The following FAM234A variants were observed in gnomAD, a reference collection of about 807,000 sequenced individuals.
FAM234A encodes the protein protein FAM234A.
FAM234A carries 42 observed loss-of-function variants against 49.1 expected under a neutral mutation model. The observed-to-expected ratio is 0.86, with a 90% CI of 0.67 to 1.11. FAM234A has a LOEUF of 1.11. Among genes scored for constraint, FAM234A ranks in the 50% least tolerant of loss-of-function variants. FAM234A has a pLI of 0.00. For missense variants in FAM234A, 815 were observed against 745.2 expected, an observed-to-expected ratio of 1.09 and a Z score of -1.09; for synonymous variants, 369 against 316.2, an observed-to-expected ratio of 1.17 and a Z score of -1.77.
intron 2 of FAM234A, among the ~76,000 whole-genome samples, chr16:250,912 A>G (rs781288874): frequency 6.6e-6 from 1 of 152,314 alleles, no homozygotes; most frequent in African/African-American, 2.4e-5. Context: ...GTAATTATGC[A>G]CTGTATTATG....
At chr16:244,343 T>G (rs1173841422) in intron 1 of FAM234A, among the ~76,000 whole-genome samples, 2 of 152,082 alleles carry the variant, frequency 1.3e-5, no homozygotes, top group Non-Finnish European at 2.9e-5. Context: ...ATGCCAGGGG[T>G]TTGGCTCTTC....
downstream of FAM234A, chr16:266,187 A>G (rs1050885678): frequency 2.3e-5 from 19 of 830,748 alleles, no homozygotes; most frequent in Non-Finnish European, 2.8e-5. Context: ...TGGAGGAGTG[A>G]CCAGGAATTT....
chr16:250,263 C>G (rs1257016775), intron 2 of FAM234A, among the ~76,000 whole-genome samples: 4 of 152,206 alleles, frequency 2.6e-5, no homozygotes, highest in Admixed American at 1.3e-4. Context: ...TCACACATCC[C>G]TTCCTTGGGG....
At chr16:241,563 T>C (rs956192172) in intron 1 of FAM234A, among the ~76,000 whole-genome samples, 1 of 151,450 alleles carries the variant, frequency 6.6e-6, no homozygotes, top group Non-Finnish European at 1.5e-5. Flanking sequence ...CATTCCAGCC[T>C]GGGCAACAGA....
At chr16:253,127 CAG>C (rs1038296255) in intron 2 of FAM234A, among the ~76,000 whole-genome samples, 5 of 152,210 alleles carry the variant, frequency 3.3e-5, no homozygotes, top group Non-Finnish European at 5.9e-5. Flanking sequence ...TGGCAGATAT[CAG>C]GGGCCCTGTG....
At chr16:269,727 C>T (rs956951311), downstream of FAM234A, 19 of 655,532 alleles carry the variant, frequency 2.9e-5, no homozygotes, top group Middle Eastern at 2.5e-4. Flanking sequence ...GCAGCCGCCT[C>T]GGACCTGCCC....
At position 246,303 on chromosome 16, in the gene FAM234A, C is replaced by G. The variant is rs1416100613; in HGVS notation, c.-139-3246C>G. On this transcript the variant is annotated intron_variant, in intron 1 of 12. Coordinates refer to ENST00000399932, the MANE Select transcript of FAM234A (RefSeq NM_032039.4). Reference sequence around the variant, plus strand: ...GGTGGATTTTTTTTTTTTTTTGTGACGAGGTCTCACTCTCACCCAGGCTGG... The same window carrying G: ...GGTGGATTTTTTTTTTTTTTTGTGAGGAGGTCTCACTCTCACCCAGGCTGG... Among the ~76,000 whole-genome samples the G allele has an allele frequency of 2.1e-5, 3 of 140,120 alleles. No individual in the cohort carries two copies. In the Admixed American group the frequency reaches 2.2e-4, roughly 10 times the overall value. 91.9% of individuals were successfully genotyped at this position (140,120 alleles called of 152,430 possible).
At chr16:245,982 A>T in intron 1 of FAM234A, among the ~76,000 whole-genome samples, 1 of 152,030 alleles carries the variant, frequency 6.6e-6, no homozygotes, top group Non-Finnish European at 1.5e-5. Flanking sequence ...TTAGGTGGGC[A>T]GATCACGAGG....
chr16:261,007 G>C (rs558179436), intron 5 of FAM234A, among the ~76,000 whole-genome samples: 2 of 152,220 alleles, frequency 1.3e-5, no homozygotes, highest in Non-Finnish European at 2.9e-5. Context: ...GGCTTCGAGA[G>C]GTGGGTGAGG....
intron 1 of FAM234A, among the ~76,000 whole-genome samples, chr16:235,545 G>T (rs1056332536): frequency 6.6e-6 from 1 of 152,214 alleles, no homozygotes; most frequent in African/African-American, 2.4e-5. Flanking sequence ...TAGGATATCA[G>T]GGTAGGCAAT....
Position 264,116 on chromosome 16 carries a change from A to G in FAM234A, c.1289A>G (p.His430Arg), listed in dbSNP as rs1203252175. Residue 430 changes from histidine (H) to arginine (R), a missense_variant, in exon 11 of 13, where the codon CAC (histidine) becomes CGC (arginine). Physicochemically the swap from His to Arg is conservative, Grantham distance 29 (BLOSUM62 0). Transcript: ENST00000399932. ...TCCGCCAGCCTGCCGACCGCAGACCACCGCTCAGCCTTCTTCTTCTGGGGC... is the reference window on the plus strand; with the variant it reads ...TCCGCCAGCCTGCCGACCGCAGACCGCCGCTCAGCCTTCTTCTTCTGGGGC... ...PLSASLPTADHRSAFFFWGLH... is the reference protein window; with the variant it reads ...PLSASLPTADRRSAFFFWGLH... The G allele has an allele frequency of 1.2e-6, 2 of 1,610,736 alleles. No individual in the cohort carries two copies. Among genetic ancestry groups the G allele is most frequent in the Non-Finnish European group, 1.7e-6 (2 of 1,179,814 alleles).
At chr16:240,659 C>T (rs970924402) in intron 1 of FAM234A, among the ~76,000 whole-genome samples, 6 of 152,036 alleles carry the variant, frequency 3.9e-5, no homozygotes, top group South Asian at 4.2e-4. Context: ...CGTGCCACCA[C>T]GCCGGCTAAT....
intron 1 of FAM234A, among the ~76,000 whole-genome samples, chr16:237,755 A>G (rs572303948): frequency 1.4e-5 from 2 of 146,278 alleles, no homozygotes; most frequent in Non-Finnish European, 3.0e-5. Flanking sequence ...TCTGTCACCC[A>G]GGCTGGAGTG....
At chr16:247,250 C>T (rs763255333) in intron 1 of FAM234A, among the ~76,000 whole-genome samples, 4 of 151,864 alleles carry the variant, frequency 2.6e-5, no homozygotes, top group Non-Finnish European at 4.4e-5. Context: ...CCCACCTCAG[C>T]TCCTGGGTAG....
In FAM234A at chr16:263,280, C is replaced by T. The variant is rs1163625828; in HGVS notation, c.990C>T (p.Tyr330=). The T allele has an allele frequency of 3.1e-6, 5 of 1,612,864 alleles. No individual in the cohort carries two copies. The highest frequency in any genetic ancestry group is 4.2e-6 in the Non-Finnish European group (5 of 1,180,004). ...TGTCTAGCTCTGGAGCAGTGCGCTA[C>T]CTGATGCATGTCCCAGGGAACGCCG... ...MLSHSSGAVR[Y]LMHVPGNAGA... The change falls in exon 9 of 13, where the codon TAC becomes TAT. Residue 330 remains tyrosine, a synonymous_variant. Transcript: ENST00000399932.
chr16:252,710 GTTA>G (rs1304371145), intron 2 of FAM234A, among the ~76,000 whole-genome samples: 1 of 152,174 alleles, frequency 6.6e-6, no homozygotes, highest in African/African-American at 2.4e-5. Flanking sequence ...TCATACACAG[GTTA>G]TTAAGTGAGT....
chr16:260,529 C>A (rs1416537340), intron 5 of FAM234A: 1 of 484,216 alleles, frequency 2.1e-6, no homozygotes. Flanking sequence ...CATGAACCAG[C>A]ACTCGGCCCG....
chr16:265,973 C>A lies in FAM234A; in HGVS notation c.*951C>A, dbSNP rs1054065519. The A allele has an allele frequency of 2.5e-5, 25 of 985,986 alleles. No individual in the cohort carries two copies. The highest frequency in any genetic ancestry group is 2.9e-5 in the Non-Finnish European group (24 of 830,054). The allele number at this position is 985,986 out of a possible 1,614,324, so 61.1% of individuals were successfully genotyped here. On this transcript the variant is annotated 3_prime_UTR_variant, in exon 13 of 13. Transcript: ENST00000399932. Reference sequence around the variant, plus strand: ...TGCTGCTCCTGAGGCCCAAGGGCAGCCATGGTGCTCTGTACTGCTCGGGCC... The same window carrying A: ...TGCTGCTCCTGAGGCCCAAGGGCAGACATGGTGCTCTGTACTGCTCGGGCC...
rs930444826 is a variant in FAM234A at position 254,621 on chromosome 16, A to G, written c.208A>G (p.Ile70Val). Reference sequence around the variant, plus strand: ...TGTGGTGTTCGTCGTCTCATTCGTCATCCCGTGTCCAGACCGGCCGGCGTC... The same window carrying G: ...TGTGGTGTTCGTCGTCTCATTCGTCGTCCCGTGTCCAGACCGGCCGGCGTC... The part of the protein sequence containing the change: ...LFVVFVVSFV[I>V]PCPDRPASQR... The change falls in exon 3 of 13, where the codon ATC becomes GTC. Residue 70 changes from isoleucine to valine, a missense_variant. Transcript: ENST00000399932. 3.7e-6 allele frequency: 6 copies of G among 1,613,962 alleles called. No individual in the cohort carries two copies. In the Admixed American group the frequency reaches 6.7e-5, roughly 18 times the overall value.
Sources: allele counts gnomAD v4.1 joint callset (sites outside exome capture counted in the v4.1 genomes callset), GRCh38; gene constraint gnomAD v4.1.1; transcripts MANE v1.5; gene names NCBI Gene and HGNC (gene_info 2026-07-23, HGNC 2026-07-21).